HMX1: variants seen among roughly 807,000 people sequenced by gnomAD.
The protein encoded by HMX1 is H6 family homeobox 1, also known as homeobox protein HMX1.
In HMX1, 8 loss-of-function variants were observed where a neutral mutation model predicts 8.9. That is an observed-to-expected ratio of 0.90 (90% CI 0.53 to 1.63). The LOEUF (loss-of-function observed/expected upper bound fraction) is 1.63, where lower values mean the gene tolerates loss of function less well. Among genes scored for constraint, HMX1 ranks in the 40% most tolerant of loss-of-function variants. The probability of loss-of-function intolerance (pLI) is 0.00; values close to 1 mark genes in which losing one functional copy is unlikely to be tolerated. For synonymous variants in HMX1, 311 were observed against 283.4 expected, an observed-to-expected ratio of 1.10 and a Z score of -0.98; for missense variants, 621 against 558.5, an observed-to-expected ratio of 1.11 and a Z score of -1.13.
chr4:8,866,300 C>T (rs773233601), downstream of HMX1, among the ~76,000 whole-genome samples: 38 of 152,258 alleles, frequency 2.5e-4, no homozygotes, highest in Admixed American at 6.5e-4. Context: ...ACCCGGGGAG[C>T]GTCTACACCC....
rs891772815 is a variant in HMX1, at chr4:8,870,446, G to C, written c.394+775C>G. Among the ~76,000 whole-genome samples, 3 of 152,116 alleles carry C rather than the reference G, an allele frequency of 2.0e-5. No homozygotes were observed. Among genetic ancestry groups the C allele is most frequent in the Admixed American group, 6.5e-5 (1 of 15,282 alleles). ...TCTCAAGCCCTCAGCAGGGAACAAA[G>C]GCAAGGAGGGGGAGGGGCAGAAAAA... On this transcript the variant is annotated intron_variant, in intron 1 of 1. Transcript: ENST00000400677. The surrounding 1 kb of genome is among the most constrained non-coding windows in gnomAD (Gnocchi z 4.4).
Position 8,871,830 on chromosome 4 carries a change from C to G in HMX1, c.-216G>C. The G allele has an allele frequency of 2.0e-6, 1 of 499,342 alleles. No individual in the cohort carries two copies. The highest frequency in any genetic ancestry group is 7.8e-5 in the South Asian group (1 of 12,864). 30.9% of individuals were successfully genotyped at this position (499,342 alleles called of 1,614,324 possible). On this transcript the variant is annotated 5_prime_UTR_variant, in exon 1 of 2. Transcript: ENST00000400677. The surrounding 1 kb of genome is among the most constrained non-coding windows in gnomAD (Gnocchi z 4.8). ...GACAGCTGATCGGGCAGCCGCCTGGCTCGCCTTTCAGGTCGCCGTTCTGGT... is the reference window on the plus strand; with the variant it reads ...GACAGCTGATCGGGCAGCCGCCTGGGTCGCCTTTCAGGTCGCCGTTCTGGT...
At chr4:8,862,317 G>A (rs1392853501), downstream of HMX1, among the ~76,000 whole-genome samples, 1 of 152,252 alleles carries the variant, frequency 6.6e-6, no homozygotes, top group Non-Finnish European at 1.5e-5. Context: ...AACAGCCCCA[G>A]GCAGAGATTC....
rs566758781 is a variant in HMX1, at chr4:8,856,507, G to C, written c.395-10183C>G. On this transcript the variant is annotated intron_variant, in intron 1 of 1. Coordinates refer to the HMX1 transcript ENST00000506970. ...GGGCAGGGGAAGGGGAGGAAGAAGG[G>C]GGCACTAGGTCTCTCTGAATTTAAA... 1.8e-3 allele frequency among the ~76,000 whole-genome samples: 267 copies of C among 152,094 alleles called. 1 individual carries two copies. Among genetic ancestry groups the C allele is most frequent in the African/African-American group, 5.9e-3 (244 of 41,466 alleles).
At chr4:8,857,900 G>A (rs1022608751) in intron 1 of HMX1, among the ~76,000 whole-genome samples, 2 of 152,132 alleles carry the variant, frequency 1.3e-5, no homozygotes, top group African/African-American at 4.8e-5. Context: ...AGTTCCAGGA[G>A]CCGCGTCTCT....
intron 1 of HMX1, among the ~76,000 whole-genome samples, chr4:8,869,142 A>G (rs1381280361): frequency 6.6e-6 from 1 of 152,224 alleles, no homozygotes; most frequent in Non-Finnish European, 1.5e-5. Context: ...CTGGAGGTTC[A>G]GCCTCATGGG....
In HMX1 at chr4:8,853,577, C is replaced by T. The variant is rs1002877622; in HGVS notation, c.395-7253G>A. ...GGTAAAAGGGGAGAATGCGGCTGGG[C>T]ATGGTGGCTCACACCTGTAATCCCA... On this transcript the variant is annotated intron_variant, in intron 1 of 1. Coordinates refer to the HMX1 transcript ENST00000506970. The surrounding 1 kb of genome is among the most constrained non-coding windows in gnomAD (Gnocchi z 4.7). Among the ~76,000 whole-genome samples, 1 of 152,214 alleles carries T rather than the reference C, an allele frequency of 6.6e-6. No individual in the cohort carries two copies. Among genetic ancestry groups the T allele is most frequent in the South Asian group, 2.1e-4 (1 of 4,822 alleles).
chr4:8,856,911 C>T (rs966993810), intron 1 of HMX1, among the ~76,000 whole-genome samples: 2 of 152,150 alleles, frequency 1.3e-5, no homozygotes, highest in South Asian at 2.1e-4. Flanking sequence ...CAACATACAG[C>T]ACCCCTTCTC....
rs980730304 is a variant in HMX1, at chr4:8,871,244, T to A, written c.371A>T (p.Tyr124Phe). Reference sequence around the variant, plus strand: ...ACTGTCAGGACTGAGGCCGCCTCCATAGCCACCGTGCGCCCGTGGGTACCA... The same window carrying A: ...ACTGTCAGGACTGAGGCCGCCTCCAAAGCCACCGTGCGCCCGTGGGTACCA... ...ARWYPRAHGGYGGGLSPDTSD... is the reference protein window; with the variant it reads ...ARWYPRAHGGFGGGLSPDTSD... The change falls in exon 1 of 2, where the codon TAT (tyrosine) becomes TTT (phenylalanine). Residue 124 changes from tyrosine to phenylalanine, a missense_variant. Physicochemically the swap from Tyr to Phe is conservative, Grantham distance 22. Transcript: ENST00000400677. This position sits in a 1 kb window ranked among gnomAD's most constrained non-coding sequence, Gnocchi z 4.8. 8.8e-6 allele frequency: 13 copies of A among 1,482,330 alleles called. No individual in the cohort carries two copies. The highest frequency in any genetic ancestry group is 1.2e-5 in the Non-Finnish European group (13 of 1,122,568). The allele number at this position is 1,482,330 out of a possible 1,614,324, so 91.8% of individuals were successfully genotyped here.
intron 1 of HMX1, among the ~76,000 whole-genome samples, chr4:8,869,262 A>G (rs1722132288): frequency 6.6e-6 from 1 of 152,186 alleles, no homozygotes; most frequent in Admixed American, 6.5e-5. Flanking sequence ...CTGGCAAGGG[A>G]TGATGTCAGG....
In HMX1 at chr4:8,867,708, C is replaced by T. The variant is rs1352719098; in HGVS notation, c.1032G>A (p.Met344Ile). ...AASVPFLRAQ[M>I]PGLV ...CAGGCGGGGCTCACACCAGGCCAGG[C>T]ATCTGCGCCCGCAGAAAGGGCACGG... is the stretch of plus-strand genomic sequence containing the variant. Residue 344 changes from methionine to isoleucine, a missense_variant, in exon 2 of 2, where the codon ATG becomes ATA. By Grantham distance (10) the Met-to-Ile change is conservative. Coordinates refer to ENST00000400677, the MANE Select transcript of HMX1 (RefSeq NM_018942.3). The T allele has an allele frequency of 3.8e-5, 49 of 1,275,824 alleles. No homozygotes were observed. The highest frequency in any genetic ancestry group is 4.7e-5 in the Non-Finnish European group (48 of 1,015,308). 79.0% of individuals were successfully genotyped at this position (1,275,824 alleles called of 1,614,324 possible).
rs948823490 is a variant in HMX1, at chr4:8,853,745, G to T, written c.395-7421C>A. On this transcript the variant is annotated intron_variant, in intron 1 of 1. Transcript: ENST00000506970. The surrounding 1 kb of genome is among the most constrained non-coding windows in gnomAD (Gnocchi z 4.7). ...TGGGCCCCTGTAATCTCAGCTACTC[G>T]GGGAGGCTGAGACAGGAGAATTGTT... Among the ~76,000 whole-genome samples, 1 of 151,844 alleles carries T rather than the reference G, an allele frequency of 6.6e-6. No individual in the cohort carries two copies. The highest frequency in any genetic ancestry group is 1.5e-5 in the Non-Finnish European group (1 of 67,974).
rs1362975392 is a variant in HMX1, at chr4:8,867,788, G to C, written c.952C>G (p.Leu318Val). 5 of 1,255,298 alleles carry C rather than the reference G, an allele frequency of 4.0e-6. No individual in the cohort carries two copies. In the African/African-American group the frequency reaches 4.7e-5, roughly 12 times the overall value. 77.8% of individuals were successfully genotyped at this position (1,255,298 alleles called of 1,614,324 possible). Residue 318 changes from leucine to valine, a missense_variant, in exon 2 of 2, where the codon CTC becomes GTC. Coordinates refer to ENST00000400677, the MANE Select transcript of HMX1 (RefSeq NM_018942.3). ...PAAPAPPPPL[L>V]GFSGALAYPL... ...TAGGCGAGGGCCCCGGAGAAGCCGA[G>C]CAGCGGTGGGGGCGGCGCGGGCGCG...
intron 1 of HMX1, chr4:8,858,626 C>CG (rs1159088043): frequency 2.6e-5 from 4 of 152,172 alleles, no homozygotes; most frequent in Admixed American, 2.6e-4. Flanking sequence ...CGCAGGCCCC[C>CG]GGGCGGCCGG....
At chr4:8,857,507 G>A (rs1560172236) in intron 1 of HMX1, among the ~76,000 whole-genome samples, 1 of 152,124 alleles carries the variant, frequency 6.6e-6, no homozygotes, top group Admixed American at 6.5e-5. Context: ...GTGGGGCGCG[G>A]GTTCCGGCCC....
intron 1 of HMX1, among the ~76,000 whole-genome samples, chr4:8,846,528 C>G (rs905088024): frequency 6.6e-6 from 1 of 152,192 alleles, no homozygotes; most frequent in African/African-American, 2.4e-5. Flanking sequence ...GAAGTAGGAC[C>G]AAGCTGGGAA....
Position 8,868,720 on chromosome 4 carries a change from C to T in HMX1, c.395-375G>A, listed in dbSNP as rs536020104. ...CCACTCCCAGCTGCACCACGGGCGG[C>T]CCGGAAAAACACACAAACCTCCCGC... On this transcript the variant is annotated intron_variant, in intron 1 of 1. Transcript: ENST00000400677. This position sits in a 1 kb window ranked among gnomAD's most constrained non-coding sequence, Gnocchi z 4.6. Among the ~76,000 whole-genome samples the T allele has an allele frequency of 6.6e-6, 1 of 152,186 alleles. No individual in the cohort carries two copies. Among genetic ancestry groups the T allele is most frequent in the Non-Finnish European group, 1.5e-5 (1 of 68,032 alleles).
intron 1 of HMX1, among the ~76,000 whole-genome samples, chr4:8,869,079 T>C (rs1722126652): frequency 6.6e-6 from 1 of 152,184 alleles, no homozygotes; most frequent in African/African-American, 2.4e-5. Flanking sequence ...CACGGGCACA[T>C]GCCACTCTAA....
At chr4:8,865,879 G>GAC (rs1231581366), downstream of HMX1, among the ~76,000 whole-genome samples, 2 of 152,226 alleles carry the variant, frequency 1.3e-5, no homozygotes, top group African/African-American at 4.8e-5. Context: ...AGGGAGCCCG[G>GAC]ACACAAGCCT....
Sources: gnomAD v4.1 joint callset for allele counts (sites outside exome capture counted in the v4.1 genomes callset) on GRCh38, gnomAD v4.1.1 for gene constraint, Gnocchi (gnomAD v3.1) non-coding constraint, MANE v1.5 for transcripts, NCBI Gene and HGNC (gene_info 2026-07-23, HGNC 2026-07-21) for gene names.